The following ZFP14 variants were observed in gnomAD, a reference collection of about 807,000 sequenced individuals.
ZFP14 encodes ZFP14 zinc finger protein.
In ZFP14, 22 loss-of-function variants were observed where a neutral mutation model predicts 54.5. The observed-to-expected ratio is 0.40, with a 90% CI of 0.29 to 0.58. ZFP14 has a LOEUF of 0.58. ZFP14 is among the 20% of genes least tolerant of loss of function. The pLI is 0.39. For missense variants in ZFP14, 470 were observed against 637.8 expected (o/e 0.74, Z 2.83); for synonymous variants, 159 against 204.0 (o/e 0.78, Z 1.88).
chr19:36,343,995 C>T (rs567664256), intron 4 of ZFP14, among the ~76,000 whole-genome samples: 1 of 152,106 alleles, frequency 6.6e-6, no homozygotes. Flanking sequence ...ACTCTCTTAG[C>T]ACACTCTTTC....
rs10415696 is a variant in ZFP14 at position 36,346,222 on chromosome 19, A to G, written c.236-4632T>C. 3.2e-3 allele frequency among the ~76,000 whole-genome samples: 486 copies of G among 152,198 alleles called. 2 individuals carry two copies. Among genetic ancestry groups the G allele is most frequent in the African/African-American group, 0.011 (462 of 41,522 alleles). On this transcript the variant is annotated intron_variant, in intron 4 of 4. Transcript: ENST00000270001. ...GATCGTCTGAGCCCGGGAGGCGGGC[A>G]TTGCAATGAGCCATGATTATGCCAC...
intron 4 of ZFP14, among the ~76,000 whole-genome samples, chr19:36,348,118 T>C (rs774367447): frequency 6.6e-6 from 1 of 152,170 alleles, no homozygotes; most frequent in Non-Finnish European, 1.5e-5. Flanking sequence ...ATGGCTTTCT[T>C]TGGTCACCAG....
Position 36,340,979 on chromosome 19 carries a change from G to T in ZFP14, c.847C>A (p.Pro283Thr). The change falls in exon 5 of 5, where the codon CCC becomes ACC. Residue 283 changes from proline (P) to threonine (T), a missense_variant. Coordinates refer to ENST00000270001, the MANE Select transcript of ZFP14 (RefSeq NM_020917.3). The surrounding 1 kb of genome is among the most constrained non-coding windows in gnomAD (Gnocchi z 5.4). The part of the protein sequence containing the change: ...RHQRIHTGEK[P>T]YECKDCGKTF... ...TTTCCACAGTCCTTACATTCATAGG[G>T]TTTCTCACCAGTGTGAATTCTCTGA... 1 of 1,614,092 alleles carries T rather than the reference G, an allele frequency of 6.2e-7. No individual in the cohort carries two copies. Among genetic ancestry groups the T allele is most frequent in the Non-Finnish European group, 8.5e-7 (1 of 1,180,018 alleles).
chr19:36,343,766 C>A (rs1466875099), intron 4 of ZFP14, among the ~76,000 whole-genome samples: 3 of 152,250 alleles, frequency 2.0e-5, no homozygotes, highest in East Asian at 3.9e-4. Flanking sequence ...CCTGCAGAGT[C>A]CCAAGGCAGC....
intron 2 of ZFP14, chr19:36,362,734 A>T: frequency 4.6e-6 from 1 of 218,538 alleles, no homozygotes; most frequent in South Asian, 5.4e-5. Context: ...TTAAAAATTT[A>T]AAAATTTAAA....
Position 36,341,192 on chromosome 19 carries a change from G to T in ZFP14, c.634C>A (p.Arg212Ser), listed in dbSNP as rs767258236. 1.2e-6 allele frequency: 2 copies of T among 1,613,872 alleles called. No homozygotes were observed. The highest frequency in any genetic ancestry group is 1.3e-5 in the African/African-American group (1 of 74,858). The change falls in exon 5 of 5, where the codon CGT becomes AGT. Residue 212 changes from arginine (R) to serine (S), a missense_variant. Coordinates refer to ENST00000270001, the MANE Select transcript of ZFP14 (RefSeq NM_020917.3). This position sits in a 1 kb window ranked among gnomAD's most constrained non-coding sequence, Gnocchi z 4.2. ...CKECGQAFRQ[R>S]AHLIRHHKLH... ...TTGTGATGTCGAATAAGATGTGCAC[G>T]CTGTCTAAAGGCCTGCCCACATTCC... is the stretch of plus-strand genomic sequence containing the variant.
At chr19:36,356,509 G>A (rs1212899253) in intron 4 of ZFP14, among the ~76,000 whole-genome samples, 1 of 151,718 alleles carries the variant, frequency 6.6e-6, no homozygotes, top group Non-Finnish European at 1.5e-5. Context: ...GCACTCATGT[G>A]TGTTTATTTG....
chr19:36,341,729 C>G lies in ZFP14; in HGVS notation c.236-139G>C, dbSNP rs116123717. 897 of 729,428 alleles carry G rather than the reference C, an allele frequency of 1.2e-3. 7 individuals are homozygous for G. The African/African-American group carries it at 0.015, about 12-fold the overall frequency. The allele number at this position is 729,428 out of a possible 1,614,324, so 45.2% of individuals were successfully genotyped here. A position where few individuals can be genotyped will look rare whatever the true frequency, so the allele number is the denominator to read the frequency against. On this transcript the variant is annotated intron_variant, in intron 4 of 4. Coordinates refer to ENST00000270001, the MANE Select transcript of ZFP14 (RefSeq NM_020917.3). The surrounding 1 kb of genome is among the most constrained non-coding windows in gnomAD (Gnocchi z 4.2). ...CAAATTGAATGGATTAGACAGATCTCAAACATAGACATTTCTGCCACAATC... is the reference window on the plus strand; with the variant it reads ...CAAATTGAATGGATTAGACAGATCTGAAACATAGACATTTCTGCCACAATC...
intron 4 of ZFP14, among the ~76,000 whole-genome samples, chr19:36,342,050 T>C (rs897604697): frequency 6.6e-6 from 1 of 151,192 alleles, no homozygotes; most frequent in African/African-American, 2.4e-5. Flanking sequence ...AGGGACGGGG[T>C]TTCACCGTGT....
In ZFP14 at chr19:36,340,493, T is replaced by C; in HGVS notation, c.1333A>G (p.Ile445Val). 2 of 1,613,968 alleles carry C rather than the reference T, an allele frequency of 1.2e-6. No homozygotes were observed. The highest frequency in any genetic ancestry group is 1.7e-6 in the Non-Finnish European group (2 of 1,179,824). ...LLSQLTQHQS[I>V]HTGEKPYECK... ...TCATAAGGTTTCTCACCAGTGTGAA[T>C]ACTTTGATGCTGAGTAAGTTGTGAG... The change falls in exon 5 of 5, where the codon ATT (isoleucine) becomes GTT (valine). Residue 445 changes from isoleucine to valine, a missense_variant. Coordinates refer to ENST00000270001, the MANE Select transcript of ZFP14 (RefSeq NM_020917.3). This position sits in a 1 kb window ranked among gnomAD's most constrained non-coding sequence, Gnocchi z 5.4.
chr19:36,355,767 C>G (rs1383711944), intron 4 of ZFP14, among the ~76,000 whole-genome samples: 1 of 142,248 alleles, frequency 7.0e-6, no homozygotes, highest in African/African-American at 2.6e-5. Flanking sequence ...AAGGCAGCTG[C>G]CTGCAAGCCA....
At chr19:36,356,239 A>G (rs1158283822) in intron 4 of ZFP14, among the ~76,000 whole-genome samples, 2 of 152,028 alleles carry the variant, frequency 1.3e-5, no homozygotes, top group Admixed American at 1.3e-4. Flanking sequence ...GTTCGAAACC[A>G]GACTGGCCAA....
intron 1 of ZFP14, among the ~76,000 whole-genome samples, chr19:36,374,635 T>C (rs570343943): frequency 6.6e-6 from 1 of 152,098 alleles, no homozygotes; most frequent in South Asian, 2.1e-4. Flanking sequence ...CCATTGAAAA[T>C]GATGCAACCA....
intron 2 of ZFP14, among the ~76,000 whole-genome samples, chr19:36,364,994 C>CTTTTTTTTTTTTTTTTTTTTTTTT (rs398034482): frequency 3.2e-5 from 2 of 61,972 alleles, no homozygotes; most frequent in Non-Finnish European, 5.8e-5. Flanking sequence ...TTTTCTTTTT[C>CTTTTTTTTTTTTTTTTTTTTTTTT]TTTTTTTTTT....
rs146522850 is a variant in ZFP14, at chr19:36,371,206, T to C, written c.-79-3235A>G. On this transcript the variant is annotated intron_variant, in intron 1 of 4. Transcript: ENST00000270001. ...TGAACCCAGGAGGCGGAGCTTGAAGTGAGTCAAGGTCGCGCCACTGCACTC... is the reference window on the plus strand; with the variant it reads ...TGAACCCAGGAGGCGGAGCTTGAAGCGAGTCAAGGTCGCGCCACTGCACTC... Among the ~76,000 whole-genome samples the C allele has an allele frequency of 3.4e-4, 52 of 152,106 alleles. No homozygotes were observed. The East Asian group carries it at 6.6e-3, about 19-fold the overall frequency.
At position 36,338,375 on chromosome 19, in the gene ZFP14, G is replaced by C. The variant is rs2031245038; in HGVS notation, c.*1849C>G. The stretch of plus-strand genomic sequence containing the variant: ...GAAACTAAATGACAATTTTTCCTCT[G>C]ATTTATTGATTTCAAGAATAATGAG... On this transcript the variant is annotated 3_prime_UTR_variant, in exon 5 of 5. Transcript: ENST00000270001. 1 of 152,016 alleles carries C rather than the reference G, an allele frequency of 6.6e-6. No individual in the cohort carries two copies. The highest frequency in any genetic ancestry group is 2.4e-5 in the African/African-American group (1 of 41,396). 9.4% of individuals were successfully genotyped at this position (152,016 alleles called of 1,614,324 possible).
chr19:36,376,167 A>G (rs1384690453), intron 1 of ZFP14, among the ~76,000 whole-genome samples: 1 of 152,216 alleles, frequency 6.6e-6, no homozygotes, highest in Non-Finnish European at 1.5e-5. Flanking sequence ...TAAATAAGAT[A>G]CTACATATAA....
Position 36,344,060 on chromosome 19 carries a change from T to G in ZFP14, c.236-2470A>C, listed in dbSNP as rs2031370977. 1.3e-5 allele frequency among the ~76,000 whole-genome samples: 2 copies of G among 152,214 alleles called. 1 individual carries two copies. Among genetic ancestry groups the G allele is most frequent in the South Asian group, 4.1e-4 (2 of 4,832 alleles). On this transcript the variant is annotated intron_variant, in intron 4 of 4. Coordinates refer to ENST00000270001, the MANE Select transcript of ZFP14 (RefSeq NM_020917.3). Reference sequence around the variant, plus strand: ...TCTTGTTGCCCAGGCTGGAGTGCAGTGGCACAATCTCAGCTCACTGCAACC... The same window carrying G: ...TCTTGTTGCCCAGGCTGGAGTGCAGGGGCACAATCTCAGCTCACTGCAACC...
Position 36,341,537 on chromosome 19 carries a change from C to A in ZFP14, c.289G>T (p.Glu97Ter). The change falls in exon 5 of 5, where the codon GAA (glutamate) becomes TAA (stop). Residue 97 changes from glutamate to a stop codon, truncating the protein, a stop_gained. Coordinates refer to ENST00000270001, the MANE Select transcript of ZFP14 (RefSeq NM_020917.3). LOFTEE classifies it high-confidence loss of function. The surrounding 1 kb of genome is among the most constrained non-coding windows in gnomAD (Gnocchi z 4.2). Reference sequence around the variant, plus strand: ...ATATCCCACTGAAATGAATATATTTCATAAATGTCCTTTTCTGGAGATAAA... The same window carrying A: ...ATATCCCACTGAAATGAATATATTTAATAAATGTCCTTTTCTGGAGATAAA... ...NTLSPEKDIY[E>*]IYSFQWDIME... The A allele has an allele frequency of 6.2e-7, 1 of 1,601,098 alleles. No individual in the cohort carries two copies. Among genetic ancestry groups the A allele is most frequent in the African/African-American group, 1.3e-5 (1 of 74,082 alleles).
Sources: gnomAD v4.1 joint callset for allele counts (sites outside exome capture counted in the v4.1 genomes callset) on GRCh38, gnomAD v4.1.1 for gene constraint, Gnocchi (gnomAD v3.1) non-coding constraint, MANE v1.5 for transcripts, NCBI Gene and HGNC (gene_info 2026-07-23, HGNC 2026-07-21) for gene names.